LANCL3: variants seen among roughly 807,000 people sequenced by gnomAD.
The protein encoded by LANCL3 is lanC-like protein 3.
Under a neutral mutation model 26.5 loss-of-function variants are expected in LANCL3, and 19 were observed. The ratio of observed to expected loss-of-function variants is 0.72; its 90% CI spans 0.50 to 1.05. The LOEUF (loss-of-function observed/expected upper bound fraction) is 1.05, where lower values mean the gene tolerates loss of function less well. Among genes scored for constraint, LANCL3 ranks in the 50% least tolerant of loss-of-function variants. The pLI, the probability that LANCL3 is intolerant of heterozygous loss-of-function variation, is 0.00. For missense variants in LANCL3, 318 were observed against 362.7 expected, an observed-to-expected ratio of 0.88 and a Z score of 1.00; for synonymous variants, 160 against 166.6, an observed-to-expected ratio of 0.96 and a Z score of 0.30.
intron 1 of LANCL3, among the ~76,000 whole-genome samples, chrX:37,639,864 T>C (rs782246444): frequency 8.9e-6 from 1 of 111,903 alleles, no homozygotes; most frequent in East Asian, 2.8e-4. Flanking sequence ...TAACTCACCA[T>C]GTAATTATGT....
chrX:37,594,004 C>T (rs781860928), intron 1 of LANCL3, among the ~76,000 whole-genome samples: 2 of 111,899 alleles, frequency 1.8e-5, no homozygotes, highest in Non-Finnish European at 3.8e-5. Context: ...GCTTTATTTA[C>T]ACAGTTGTGC....
rs1328319784 is a variant in LANCL3, at chrX:37,632,608, T to C, written c.574-23080T>C. Among the ~76,000 whole-genome samples, 3 of 111,942 alleles carry C rather than the reference T, an allele frequency of 2.7e-5. No individual in the cohort carries two copies. The Admixed American group carries it at 2.8e-4, about 11-fold the overall frequency. On this transcript the variant is annotated intron_variant, in intron 1 of 4. Coordinates refer to ENST00000378619, the MANE Select transcript of LANCL3 (RefSeq NM_001170331.2). ...GGCTGGTGCCAGTTGTTCCTTTCCA[T>C]GTTTAGTGCTTCCTTCAGGAGCTCT...
At chrX:37,594,230 A>G (rs782421515) in intron 1 of LANCL3, among the ~76,000 whole-genome samples, 2 of 112,244 alleles carry the variant, frequency 1.8e-5, no homozygotes, top group East Asian at 5.6e-4. Context: ...AGTTTTTAAA[A>G]TGCTTTCAAG....
intron 1 of LANCL3, among the ~76,000 whole-genome samples, chrX:37,582,736 A>T (rs2146709846): frequency 9.0e-6 from 1 of 111,589 alleles, no homozygotes; most frequent in Admixed American, 9.5e-5. Context: ...AGATGAGTAG[A>T]TTGCAAAAAT....
intron 1 of LANCL3, among the ~76,000 whole-genome samples, chrX:37,586,519 C>A (rs1474004740): frequency 2.7e-5 from 3 of 111,598 alleles, no homozygotes; most frequent in Non-Finnish European, 5.6e-5. Context: ...TTTCTCTAAA[C>A]TTCTCTTCTC....
In LANCL3 at chrX:37,659,517, T is replaced by C; in HGVS notation, c.753T>C (p.His251=). 8.3e-7 allele frequency: 1 copy of C among 1,210,528 alleles called. No homozygotes were observed. The highest frequency in any genetic ancestry group is 1.1e-6 in the Non-Finnish European group (1 of 894,828). Residue 251 remains histidine (H), a synonymous_variant, in exon 3 of 5, where the codon CAT becomes CAC. Coordinates refer to ENST00000378619, the MANE Select transcript of LANCL3 (RefSeq NM_001170331.2). ...AGATGCTTCTTTCTTACCATGAGCA[T>C]CTCAAGCCCTCAGATCGGGAATTGG... ...ILQMLLSYHE[H]LKPSDRELVW...
At chrX:37,629,820 G>C (rs1234878695) in intron 1 of LANCL3, among the ~76,000 whole-genome samples, 4 of 111,315 alleles carry the variant, frequency 3.6e-5, no homozygotes, top group Non-Finnish European at 1.9e-5. Context: ...CTCTGTTTTG[G>C]TACCAGTACC....
intron 1 of LANCL3, among the ~76,000 whole-genome samples, chrX:37,627,729 C>T (rs1925357187): frequency 8.9e-6 from 1 of 112,078 alleles, no homozygotes; most frequent in African/African-American, 3.2e-5. Context: ...GAACAGCTTA[C>T]TCCTGTATTC....
At chrX:37,654,731 A>G (rs782027418) in intron 1 of LANCL3, among the ~76,000 whole-genome samples, 10 of 112,084 alleles carry the variant, frequency 8.9e-5, no homozygotes, top group East Asian at 5.6e-4. Flanking sequence ...TCGGTTGTGA[A>G]GGACCCCCCT....
chrX:37,634,709 A>G (rs1401936428), intron 1 of LANCL3, among the ~76,000 whole-genome samples: 2 of 112,410 alleles, frequency 1.8e-5, no homozygotes, highest in African/African-American at 3.2e-5. Context: ...ATAGTATTGC[A>G]TAAGTATTAG....
In LANCL3 at chrX:37,676,070, G is replaced by A. The variant is rs1384212965; in HGVS notation, c.*257G>A. ...TGTGAAACAAGGGATCATAGGAAAA[G>A]GGGAAAGAGAAATGATCTGTTTTTC... On this transcript the variant is annotated 3_prime_UTR_variant, in exon 5 of 5. Transcript: ENST00000378619. 4 of 226,984 alleles carry A rather than the reference G, an allele frequency of 1.8e-5. No individual in the cohort carries two copies. The highest frequency in any genetic ancestry group is 5.7e-5 in the African/African-American group (2 of 34,855). The allele number at this position is 226,984 out of a possible 1,213,427, so 18.7% of individuals were successfully genotyped here. A position where few individuals can be genotyped will look rare whatever the true frequency, so the allele number is the denominator to read the frequency against.
At chrX:37,651,891 C>T (rs1398685368) in intron 1 of LANCL3, among the ~76,000 whole-genome samples, 1 of 111,191 alleles carries the variant, frequency 9.0e-6, no homozygotes. Flanking sequence ...TGGTCAGTCT[C>T]CTTTCACTCT....
At chrX:37,641,404 C>A (rs1925857343) in intron 1 of LANCL3, among the ~76,000 whole-genome samples, 1 of 110,144 alleles carries the variant, frequency 9.1e-6, no homozygotes, top group African/African-American at 3.3e-5. Flanking sequence ...GCTAGAAGTT[C>A]TGAATTTTCC....
intron 1 of LANCL3, among the ~76,000 whole-genome samples, chrX:37,575,372 T>C (rs1347403994): frequency 8.9e-6 from 1 of 111,857 alleles, no homozygotes; most frequent in African/African-American, 3.3e-5. Context: ...GTAAGCTCCA[T>C]AAGGGTAGAC....
intron 1 of LANCL3, among the ~76,000 whole-genome samples, chrX:37,582,992 T>C (rs1569461209): frequency 8.9e-6 from 1 of 112,106 alleles, no homozygotes; most frequent in South Asian, 3.7e-4. Flanking sequence ...TTAATTTTTG[T>C]ATAAGGTGTA....
At chrX:37,650,100 G>A (rs1253489696) in intron 1 of LANCL3, among the ~76,000 whole-genome samples, 1 of 109,196 alleles carries the variant, frequency 9.2e-6, no homozygotes, top group Non-Finnish European at 1.9e-5. Context: ...TCAGGAATTC[G>A]AGACCAGCCT....
chrX:37,655,949 A>C (rs1170938796), intron 2 of LANCL3, 138 bp downstream of exon 2: 5 of 466,501 alleles, frequency 1.1e-5, no homozygotes, highest in Non-Finnish European at 1.4e-5. Context: ...TTTTCTTTAA[A>C]AACCTATACT....
chrX:37,654,860 C>T (rs1556430363), intron 1 of LANCL3, among the ~76,000 whole-genome samples: 3 of 112,002 alleles, frequency 2.7e-5, no homozygotes, highest in Non-Finnish European at 3.8e-5. Flanking sequence ...AGAGAGAGAT[C>T]TAACACAACA....
intron 1 of LANCL3, among the ~76,000 whole-genome samples, chrX:37,654,875 T>G (rs1328598629): frequency 8.9e-6 from 1 of 112,316 alleles, no homozygotes; most frequent in African/African-American, 3.2e-5. Flanking sequence ...ACAACAGTGC[T>G]GTGCAGCAGA....
Sources: gnomAD v4.1 joint callset for allele counts (sites outside exome capture counted in the v4.1 genomes callset) on GRCh38, gnomAD v4.1.1 for gene constraint, MANE v1.5 for transcripts, NCBI Gene and HGNC (gene_info 2026-07-23, HGNC 2026-07-21) for gene names.